NTRK2: variants seen among roughly 807,000 people sequenced by gnomAD.
NTRK2 encodes neurotrophic receptor tyrosine kinase 2.
NTRK2 carries 13 observed loss-of-function variants against 94.5 expected under a neutral mutation model. The observed-to-expected ratio is 0.14, with a 90% CI of 0.09 to 0.22. NTRK2 has a LOEUF of 0.22. NTRK2 is among the 10% of genes least tolerant of loss of function. NTRK2 has a pLI of 1.00. For missense variants in NTRK2, 639 were observed against 1,071.2 expected, an observed-to-expected ratio of 0.60 and a Z score of 5.63; for synonymous variants, 372 against 407.4, an observed-to-expected ratio of 0.91 and a Z score of 1.05.
intron 14 of NTRK2, among the ~76,000 whole-genome samples, chr9:84,907,896 C>G (rs2077123100): frequency 6.6e-6 from 1 of 152,024 alleles, no homozygotes; most frequent in East Asian, 1.9e-4. Context: ...CAGACAATAC[C>G]CTTTGGCTGC....
chr9:84,672,217 A>C (rs2058744234), intron 2 of NTRK2, among the ~76,000 whole-genome samples: 1 of 152,188 alleles, frequency 6.6e-6, no homozygotes, highest in East Asian at 1.9e-4. Flanking sequence ...TCTGCTGCTG[A>C]TGCTTATGGT....
At chr9:84,838,473 A>G (rs1169475255) in intron 12 of NTRK2, among the ~76,000 whole-genome samples, 1 of 152,170 alleles carries the variant, frequency 6.6e-6, no homozygotes, top group African/African-American at 2.4e-5. Context: ...TTGTATATGC[A>G]TTATGATCCC....
chr9:84,688,398 AG>A (rs2059847102), intron 2 of NTRK2, among the ~76,000 whole-genome samples: 1 of 152,122 alleles, frequency 6.6e-6, no homozygotes, highest in Non-Finnish European at 1.5e-5. Flanking sequence ...GGGAGTGTGT[AG>A]GGGGGTGGCC....
intron 12 of NTRK2, among the ~76,000 whole-genome samples, chr9:84,843,317 T>C (rs2074289163): frequency 6.6e-6 from 1 of 152,180 alleles, no homozygotes; most frequent in African/African-American, 2.4e-5. Flanking sequence ...GTTTCTGCTC[T>C]TCTCTCAGTA....
chr9:84,877,988 C>T, intron 14 of NTRK2: 1 of 978,166 alleles, frequency 1.0e-6, no homozygotes, highest in Non-Finnish European at 1.2e-6. Context: ...TTCCTCAAGG[C>T]ACCACGAACA....
chr9:84,758,384 AATTATT>A (rs568926300), intron 12 of NTRK2, among the ~76,000 whole-genome samples: 2 of 150,646 alleles, frequency 1.3e-5, no homozygotes, highest in African/African-American at 4.9e-5. Context: ...GTCTTTTTGT[AATTATT>A]ATTATTATTA....
At chr9:84,890,110 A>G (rs1447758130) in intron 14 of NTRK2, among the ~76,000 whole-genome samples, 1 of 152,192 alleles carries the variant, frequency 6.6e-6, no homozygotes, top group Non-Finnish European at 1.5e-5. Flanking sequence ...GGGATTTCCA[A>G]TACACATACA....
At chr9:84,782,418 C>G (rs1006680701) in intron 12 of NTRK2, among the ~76,000 whole-genome samples, 3 of 152,214 alleles carry the variant, frequency 2.0e-5, no homozygotes, top group African/African-American at 7.2e-5. Flanking sequence ...AGGTTGCTGG[C>G]ACGTTCTGCG....
At chr9:84,836,321 A>G (rs2073871226) in intron 12 of NTRK2, among the ~76,000 whole-genome samples, 1 of 152,212 alleles carries the variant, frequency 6.6e-6, no homozygotes, top group South Asian at 2.1e-4. Flanking sequence ...TGGTTGGGAA[A>G]TGATGGCTAT....
intron 17 of NTRK2, among the ~76,000 whole-genome samples, chr9:85,000,050 C>T (rs1173274834): frequency 6.6e-6 from 1 of 152,174 alleles, no homozygotes; most frequent in Non-Finnish European, 1.5e-5. Flanking sequence ...GACACAGCCT[C>T]GGGTCACATC....
intron 17 of NTRK2, among the ~76,000 whole-genome samples, chr9:85,004,390 T>C (rs551859648): frequency 2.6e-5 from 4 of 152,268 alleles, no homozygotes; most frequent in Admixed American, 2.6e-4. Context: ...AATTCAGGGA[T>C]AAAGAGAATT....
intron 5 of NTRK2, among the ~76,000 whole-genome samples, chr9:84,708,943 G>A (rs187998006): frequency 6.6e-6 from 1 of 152,314 alleles, no homozygotes. Context: ...AGTACTTGGT[G>A]TAAAAATTTT....
At chr9:84,934,774 A>C (rs1482088807) in intron 15 of NTRK2, among the ~76,000 whole-genome samples, 8 of 152,122 alleles carry the variant, frequency 5.3e-5, no homozygotes, top group Non-Finnish European at 8.8e-5. Flanking sequence ...GATGCGTACA[A>C]ATCTCCAGGG....
At chr9:84,906,386 G>A (rs1317853618) in intron 14 of NTRK2, among the ~76,000 whole-genome samples, 2 of 152,182 alleles carry the variant, frequency 1.3e-5, no homozygotes, top group Non-Finnish European at 2.9e-5. Context: ...GAGAGAAAAA[G>A]TGTATTTGCC....
At chr9:84,731,665 C>T (rs892965266) in intron 9 of NTRK2, among the ~76,000 whole-genome samples, 8 of 152,000 alleles carry the variant, frequency 5.3e-5, no homozygotes, top group South Asian at 2.1e-4. Flanking sequence ...AGACACTAGA[C>T]GAGGTGGCAG....
chr9:84,695,439 G>A (rs2060318289), intron 2 of NTRK2, among the ~76,000 whole-genome samples: 1 of 152,178 alleles, frequency 6.6e-6, no homozygotes, highest in South Asian at 2.1e-4. Flanking sequence ...GAACCTGTAA[G>A]TCAAAAATAT....
In NTRK2 at chr9:84,830,538, C is replaced by CGTGTGT. The variant is rs60042932; in HGVS notation, c.1397-30482_1397-30477dup. 2.1e-3 allele frequency among the ~76,000 whole-genome samples: 306 copies of CGTGTGT among 146,022 alleles called. 2 individuals carry two copies. The highest frequency in any genetic ancestry group is 3.0e-3 in the Non-Finnish European group (196 of 65,790). ...GCGTGTATGTGTATGAGCATGCATG[C>CGTGTGT]GTGTGTGTGTGTGTGTGTGTGTGTG... On this transcript the variant is annotated intron_variant, in intron 12 of 18. Transcript: ENST00000277120.
chr9:84,762,154 G>A (rs571923269), intron 12 of NTRK2, among the ~76,000 whole-genome samples: 206 of 152,230 alleles, frequency 1.4e-3, no homozygotes, highest in Admixed American at 5.0e-3. Flanking sequence ...CTGTGGGTCC[G>A]TTAAACCTGT....
chr9:84,713,457 T>C (rs1305468683), intron 6 of NTRK2, among the ~76,000 whole-genome samples: 4 of 152,196 alleles, frequency 2.6e-5, no homozygotes, highest in African/African-American at 9.6e-5. Context: ...CATCTGGGAT[T>C]TTATTTTTGT....
Sources: allele counts gnomAD v4.1 joint callset (sites outside exome capture counted in the v4.1 genomes callset), GRCh38; gene constraint gnomAD v4.1.1; transcripts MANE v1.5; gene names NCBI Gene and HGNC (gene_info 2026-07-23, HGNC 2026-07-21).